Variants in PRSS55 observed in about 807,000 individuals in gnomAD.
The protein encoded by PRSS55 is serine protease 55.
A neutral mutation model predicts 23.6 loss-of-function variants in PRSS55; 41 were observed. The ratio of observed to expected loss-of-function variants is 1.74; its 90% CI spans 1.35 to 2.26. PRSS55 has a LOEUF of 2.26. PRSS55 is among the 30% of genes most tolerant of loss of function. PRSS55 has a pLI of 0.00. For synonymous variants in PRSS55, 262 were observed against 175.5 expected (o/e 1.49, Z -3.90); for missense variants, 669 against 439.1 (o/e 1.52, Z -4.68).
chr8:10,547,408 C>T (rs1417100756), intron 4 of PRSS55: 1 of 152,414 alleles, frequency 6.6e-6, no homozygotes, highest in East Asian at 1.9e-4. Context: ...TGCTTCTAGA[C>T]TTATCCCCAC....
rs186026568 is a variant in PRSS55, at chr8:10,538,760, G to A, written c.1026G>A (p.Leu342=). The A allele has an allele frequency of 2.2e-4, 356 of 1,598,886 alleles. No homozygotes were observed. Among genetic ancestry groups the A allele is most frequent in the Admixed American group, 4.4e-4 (25 of 56,484 alleles). The change falls in exon 5 of 5, where the codon CTG becomes CTA. Residue 342 remains leucine, a synonymous_variant. Transcript: ENST00000328655. ...SPRSWLLLCP[L]SHVLFRAILY The stretch of plus-strand genomic sequence containing the variant: ...GATCCTGGCTCCTGCTCTGTCCCCT[G>A]TCCCATGTGTTGTTCAGAGCTATTT...
Position 10,525,654 on chromosome 8 carries a change from T to A in PRSS55, c.69T>A (p.Pro23=), listed in dbSNP as rs751544320. 6 of 1,614,002 alleles carry A rather than the reference T, an allele frequency of 3.7e-6. No homozygotes were observed. Among genetic ancestry groups the A allele is most frequent in the East Asian group, 2.2e-5 (1 of 44,870 alleles). The change falls in exon 1 of 5, where the codon CCT becomes CCA. Residue 23 remains proline (P), a synonymous_variant. Transcript: ENST00000328655. ...VTGTQLGPRT[P]LPEAGVAILG... ...GAACTCAGCTCGGTCCACGGACTCC[T>A]CTCCCAGAGGCTGGAGTGGCTATCC...
At chr8:10,525,933 A>T (rs1284512068) in intron 1 of PRSS55, among the ~76,000 whole-genome samples, 194 bp downstream of exon 1, 1 of 152,160 alleles carries the variant, frequency 6.6e-6, no homozygotes, top group African/African-American at 2.4e-5. Flanking sequence ...TTTGGTTTTG[A>T]AACCTGACAC....
chr8:10,534,479 T>C (rs551015373), intron 4 of PRSS55, among the ~76,000 whole-genome samples: 8 of 152,334 alleles, frequency 5.3e-5, no homozygotes, highest in African/African-American at 1.9e-4. Flanking sequence ...AGGTTGTAGC[T>C]GCTCAGCTCC....
intron 3 of PRSS55, 22 bp from the exon 4 acceptor site, chr8:10,532,884 A>G (rs761302707): frequency 6.2e-7 from 1 of 1,614,090 alleles, no homozygotes; most frequent in Non-Finnish European, 8.5e-7. Context: ...GGCTTCTCTA[A>G]TGCGCTTTCT....
intron 1 of PRSS55, among the ~76,000 whole-genome samples, chr8:10,527,089 C>A (rs1375715933): frequency 6.6e-6 from 1 of 152,210 alleles, no homozygotes; most frequent in Non-Finnish European, 1.5e-5. Flanking sequence ...TATAAACCCA[C>A]ATTCTCAACG....
chr8:10,538,071 C>T (rs755399108), intron 4 of PRSS55, among the ~76,000 whole-genome samples: 1 of 152,162 alleles, frequency 6.6e-6, no homozygotes, highest in South Asian at 2.1e-4. Flanking sequence ...CAGTTCTTAG[C>T]CCTGCAACAC....
In PRSS55 at chr8:10,537,572, T is replaced by C. The variant is rs945424135; in HGVS notation, c.742-904T>C. Among the ~76,000 whole-genome samples, 6 of 94,772 alleles carry C rather than the reference T, an allele frequency of 6.3e-5. 1 individual carries two copies. The highest frequency in any genetic ancestry group is 9.4e-5 in the Non-Finnish European group (4 of 42,654). The allele number at this position is 94,772 out of a possible 152,430, so 62.2% of individuals were successfully genotyped here. ...AGTGATTATAGACAACAAGTGTATA[T>C]TTCAAAATTAACTGGAAGAGTGGAA... On this transcript the variant is annotated intron_variant, in intron 4 of 4. Transcript: ENST00000328655.
At chr8:10,548,284 G>A (rs983846645) in intron 4 of PRSS55, among the ~76,000 whole-genome samples, 1 of 152,144 alleles carries the variant, frequency 6.6e-6, no homozygotes, top group Non-Finnish European at 1.5e-5. Flanking sequence ...GAGGGCTTCA[G>A]TGTCTCCCTG....
intron 2 of PRSS55, 52 bp from the exon 3 acceptor site, chr8:10,531,243 T>C (rs951690315): frequency 3.7e-6 from 6 of 1,602,700 alleles, no homozygotes; most frequent in South Asian, 3.4e-5. Context: ...TCTGCCGCTT[T>C]TGAGACTTCC....
At chr8:10,544,958 ATTAACT>A (rs1223209837) in intron 4 of PRSS55, 25 of 966,194 alleles carry the variant, frequency 2.6e-5, no homozygotes, top group Middle Eastern at 1.1e-3. Context: ...GAATTTTTAT[ATTAACT>A]TTAACAGGGA....
chr8:10,551,759 G>C (rs1260909116), intron 4 of PRSS55, among the ~76,000 whole-genome samples: 4 of 152,194 alleles, frequency 2.6e-5, no homozygotes, highest in Non-Finnish European at 5.9e-5. Context: ...CATCCTTTTA[G>C]TGGGGGCACA....
intron 4 of PRSS55, among the ~76,000 whole-genome samples, chr8:10,550,168 C>A (rs1224498156): frequency 6.6e-6 from 1 of 152,180 alleles, no homozygotes; most frequent in Admixed American, 6.5e-5. Flanking sequence ...GGTGATCCAC[C>A]CACCTCGGCT....
chr8:10,540,089 G>A (rs561734018), downstream of PRSS55, among the ~76,000 whole-genome samples: 3 of 152,300 alleles, frequency 2.0e-5, no homozygotes, highest in African/African-American at 7.2e-5. Context: ...CCATGGCTCA[G>A]CCCCTCCGAG....
intron 4 of PRSS55, among the ~76,000 whole-genome samples, chr8:10,535,421 A>G (rs1434411207): frequency 2.0e-5 from 3 of 152,216 alleles, no homozygotes; most frequent in Non-Finnish European, 2.9e-5. Flanking sequence ...CTGTACACCT[A>G]CAACCATCTG....
intron 4 of PRSS55, among the ~76,000 whole-genome samples, chr8:10,553,333 C>A (rs775908276): frequency 6.6e-6 from 1 of 152,130 alleles, no homozygotes; most frequent in Non-Finnish European, 1.5e-5. Flanking sequence ...TAATAAATTA[C>A]CTAGTTTTGG....
In PRSS55 at chr8:10,538,661, G is replaced by C; in HGVS notation, c.927G>C (p.Glu309Asp). The change falls in exon 5 of 5, where the codon GAG becomes GAC. Residue 309 changes from glutamate to aspartate, a missense_variant. Transcript: ENST00000328655. ...TQLEGRPFNA[E>D]KRRTSVKQKP... ...TAGAGGGCAGGCCCTTCAATGCAGA[G>C]AAAAGGAGGACTTCTGTCAAACAGA... 1 of 1,614,182 alleles carries C rather than the reference G, an allele frequency of 6.2e-7. No individual in the cohort carries two copies. Among genetic ancestry groups the C allele is most frequent in the South Asian group, 1.1e-5 (1 of 91,082 alleles).
At chr8:10,546,075 G>C (rs1478751268) in intron 4 of PRSS55, among the ~76,000 whole-genome samples, 1 of 152,148 alleles carries the variant, frequency 6.6e-6, no homozygotes, top group Non-Finnish European at 1.5e-5. Flanking sequence ...AGGAGCAAAG[G>C]CAGGGCTCGG....
At chr8:10,541,640 T>C (rs1812659220), downstream of PRSS55, 1 of 137,572 alleles carries the variant, frequency 7.3e-6, no homozygotes, top group Non-Finnish European at 1.5e-5. Context: ...CTGTATCAGC[T>C]CTATCTATCT....
Sources: gnomAD v4.1 joint callset for allele counts (sites outside exome capture counted in the v4.1 genomes callset) on GRCh38, gnomAD v4.1.1 for gene constraint, MANE v1.5 for transcripts, NCBI Gene and HGNC (gene_info 2026-07-23, HGNC 2026-07-21) for gene names.